Variants in PAPPA2 observed in about 807,000 individuals in gnomAD.
PAPPA2 encodes the protein pappalysin-2.
In PAPPA2, 86 loss-of-function variants were observed where a neutral mutation model predicts 176.4. The ratio of observed to expected loss-of-function variants is 0.49; its 90% CI spans 0.41 to 0.58. The LOEUF (loss-of-function observed/expected upper bound fraction) is 0.58. PAPPA2 is among the 20% of genes least tolerant of loss of function. The pLI is 0.00. For missense variants in PAPPA2, 2,073 were observed against 2,256.9 expected (o/e 0.92, Z 1.65); for synonymous variants, 809 against 852.2 (o/e 0.95, Z 0.88).
chr1:176,750,485 A>T (rs180809745), intron 14 of PAPPA2, among the ~76,000 whole-genome samples: 1 of 152,156 alleles, frequency 6.6e-6, no homozygotes, highest in Non-Finnish European at 1.5e-5. Context: ...GGCACTGGTA[A>T]TCCCAGCTAC....
At chr1:176,468,656 C>G (rs970758908) in intron 1 of PAPPA2, among the ~76,000 whole-genome samples, 7 of 152,130 alleles carry the variant, frequency 4.6e-5, no homozygotes, top group African/African-American at 1.7e-4. Context: ...GCCCCCTCAT[C>G]TTTCATGTGA....
intron 1 of PAPPA2, among the ~76,000 whole-genome samples, chr1:176,479,058 A>G (rs1363519215): frequency 1.3e-5 from 2 of 152,148 alleles, no homozygotes; most frequent in African/African-American, 2.4e-5. Flanking sequence ...GGATTTTTTC[A>G]CTCAAAAAAC....
At chr1:176,785,063 C>T (rs1311805110) in intron 17 of PAPPA2, among the ~76,000 whole-genome samples, 2 of 152,054 alleles carry the variant, frequency 1.3e-5, no homozygotes, top group Admixed American at 6.6e-5. Context: ...TATGAGTTTG[C>T]GAGGGCCACA....
chr1:176,638,951 T>C (rs1166579625), intron 3 of PAPPA2, among the ~76,000 whole-genome samples: 1 of 151,122 alleles, frequency 6.6e-6, no homozygotes, highest in Non-Finnish European at 1.5e-5. Context: ...TGTGTGTGTG[T>C]GTGTGTGTGT....
chr1:176,624,455 G>A (rs1655894165), intron 3 of PAPPA2, among the ~76,000 whole-genome samples: 1 of 152,170 alleles, frequency 6.6e-6, no homozygotes, highest in African/African-American at 2.4e-5. Context: ...CATTGTTTTA[G>A]TGATCAGAAT....
intron 21 of PAPPA2, among the ~76,000 whole-genome samples, chr1:176,829,272 G>T (rs574299369): frequency 1.2e-4 from 18 of 150,784 alleles, no homozygotes; most frequent in African/African-American, 3.9e-4. Context: ...AGGAGGGAGA[G>T]AATGAGAGAG....
In PAPPA2 at chr1:176,535,004, G is replaced by A. The variant is rs1573009284; in HGVS notation, c.-916-20403G>A. The stretch of plus-strand genomic sequence containing the variant: ...TCTTCCCTGTGTTCCTTGTGCTCTG[G>A]TTCCCATCAGGAATTAGAGAACCAG... On this transcript the variant is annotated intron_variant, in intron 1 of 22. Coordinates refer to ENST00000367662, the MANE Select transcript of PAPPA2 (RefSeq NM_020318.3). Among the ~76,000 whole-genome samples the A allele has an allele frequency of 2.0e-5, 3 of 152,272 alleles. No homozygotes were observed. In the South Asian group the frequency reaches 6.2e-4, roughly 32 times the overall value.
chr1:176,588,600 G>A (rs1194482501), intron 2 of PAPPA2, among the ~76,000 whole-genome samples: 1 of 152,228 alleles, frequency 6.6e-6, no homozygotes, highest in Non-Finnish European at 1.5e-5. Context: ...TCGTGCTAGT[G>A]ATTTTTGTAT....
intron 9 of PAPPA2, 80 bp downstream of exon 9, chr1:176,702,815 G>T: frequency 1.3e-6 from 2 of 1,495,256 alleles, no homozygotes; most frequent in Admixed American, 1.8e-5. Context: ...GAGGGAGAGA[G>T]AGCAGGGACA....
At position 176,472,307 on chromosome 1, in the gene PAPPA2, A is replaced by G. The variant is rs1255213057; in HGVS notation, c.-917+8889A>G. ...CGTGTATCCATGTGTTCCTATATGT[A>G]TTCAACATATTTGGTGGGTTTCAAG... On this transcript the variant is annotated intron_variant, in intron 1 of 22. Transcript: ENST00000367662. 3.9e-5 allele frequency among the ~76,000 whole-genome samples: 6 copies of G among 152,266 alleles called. No homozygotes were observed. In the East Asian group the frequency reaches 1.2e-3, roughly 29 times the overall value.
chr1:176,833,832 GTGTATA>G (rs1272702745), intron 21 of PAPPA2, among the ~76,000 whole-genome samples: 7 of 150,010 alleles, frequency 4.7e-5, no homozygotes, highest in African/African-American at 1.2e-4. Flanking sequence ...GTATATATAT[GTGTATA>G]TGTGTCTGTG....
intron 12 of PAPPA2, among the ~76,000 whole-genome samples, chr1:176,725,823 C>T (rs1276663199): frequency 1.3e-5 from 2 of 152,218 alleles, no homozygotes; most frequent in Non-Finnish European, 2.9e-5. Flanking sequence ...CTCTGTCGCC[C>T]AGGCTGGAGT....
intron 3 of PAPPA2, among the ~76,000 whole-genome samples, chr1:176,608,947 GTAC>G (rs1654762267): frequency 6.6e-6 from 1 of 152,064 alleles, no homozygotes. Context: ...TAAATTCTTT[GTAC>G]TAGAAACAGA....
chr1:176,758,706 G>T (rs988571251), intron 14 of PAPPA2, among the ~76,000 whole-genome samples: 5 of 152,158 alleles, frequency 3.3e-5, no homozygotes, highest in African/African-American at 1.2e-4. Context: ...TTGGATAAAT[G>T]AATTGCAATA....
intron 1 of PAPPA2, among the ~76,000 whole-genome samples, chr1:176,501,423 C>T (rs986489366): frequency 6.6e-6 from 1 of 152,106 alleles, no homozygotes; most frequent in Admixed American, 6.6e-5. Flanking sequence ...CTCTTTGTCC[C>T]CATTTCCGTC....
At chr1:176,682,374 G>A (rs1489814534) in intron 4 of PAPPA2, among the ~76,000 whole-genome samples, 1 of 152,192 alleles carries the variant, frequency 6.6e-6, no homozygotes, top group Non-Finnish European at 1.5e-5. Context: ...GATTGAAAGA[G>A]ACTTGAGCAT....
rs551303392 is a variant in PAPPA2, at chr1:176,772,448, G to A, written c.4715+1268G>A. 2.6e-5 allele frequency among the ~76,000 whole-genome samples: 4 copies of A among 152,260 alleles called. No homozygotes were observed. In the East Asian group the frequency reaches 7.7e-4, roughly 29 times the overall value. ...AGAAAAAAATATCAGGAAACTATCT[G>A]ACTCACATTTACCCTTTCTCTAGTT... On this transcript the variant is annotated intron_variant, in intron 17 of 22. Coordinates refer to ENST00000367662, the MANE Select transcript of PAPPA2 (RefSeq NM_020318.3).
intron 12 of PAPPA2, among the ~76,000 whole-genome samples, chr1:176,716,231 CTTTT>C (rs371904164): frequency 4.5e-5 from 6 of 133,226 alleles, no homozygotes; most frequent in African/African-American, 1.4e-4. Flanking sequence ...TAACCTCTTT[CTTTT>C]TTTTTTTTTT....
At chr1:176,552,292 T>C (rs1651005886) in intron 1 of PAPPA2, among the ~76,000 whole-genome samples, 1 of 149,868 alleles carries the variant, frequency 6.7e-6, no homozygotes. Context: ...CCTCCTACCC[T>C]CCCCCTTCCA....
Sources: gnomAD v4.1 joint callset for allele counts (sites outside exome capture counted in the v4.1 genomes callset) on GRCh38, gnomAD v4.1.1 for gene constraint, MANE v1.5 for transcripts, NCBI Gene and HGNC (gene_info 2026-07-23, HGNC 2026-07-21) for gene names.